The following USP34 variants were observed in gnomAD, a reference collection of about 807,000 sequenced individuals.
USP34 encodes ubiquitin carboxyl-terminal hydrolase 34.
A neutral mutation model predicts 460.3 loss-of-function variants in USP34; 70 were observed. The ratio of observed to expected loss-of-function variants is 0.15; its 90% CI spans 0.13 to 0.19. The LOEUF is 0.19. Among genes scored for constraint, USP34 ranks in the 10% least tolerant of loss-of-function variants. USP34 has a pLI of 1.00. For missense variants in USP34, 3,985 were observed against 4,236.2 expected (o/e 0.94, Z 1.65); for synonymous variants, 1,647 against 1,405.3 (o/e 1.17, Z -3.85).
chr2:61,302,605 A>G (rs1208394050), intron 27 of USP34, among the ~76,000 whole-genome samples: 1 of 152,224 alleles, frequency 6.6e-6, no homozygotes, highest in Non-Finnish European at 1.5e-5. Flanking sequence ...CATTTTAAAC[A>G]TATCCTAAAT....
At chr2:61,211,643 T>G in intron 69 of USP34, 129 bp downstream of exon 69, 6 of 1,039,858 alleles carry the variant, frequency 5.8e-6, no homozygotes, top group Non-Finnish European at 7.9e-6. Flanking sequence ...TTCATGAACC[T>G]TCAAAATGTT....
intron 1 of USP34, among the ~76,000 whole-genome samples, chr2:61,434,272 C>T (rs1318487860): frequency 6.6e-6 from 1 of 152,210 alleles, no homozygotes; most frequent in African/African-American, 2.4e-5. Flanking sequence ...ATGGGCATCC[C>T]CCCAGGCCAG....
At chr2:61,441,810 AAAAAAG>A (rs1199839413) in intron 1 of USP34, among the ~76,000 whole-genome samples, 2 of 151,204 alleles carry the variant, frequency 1.3e-5, no homozygotes, top group African/African-American at 4.9e-5. Context: ...TACAAAAAAA[AAAAAAG>A]AAAAAAGAAA....
chr2:61,190,340 C>T lies in USP34; in HGVS notation c.9804G>A (p.Gln3268=), dbSNP rs1169911632. 4 of 1,613,852 alleles carry T rather than the reference C, an allele frequency of 2.5e-6. No individual in the cohort carries two copies. The highest frequency in any genetic ancestry group is 2.5e-6 in the Non-Finnish European group (3 of 1,179,936). ...AGAAATCAGACTGTAGGTTCTGATA[C>T]TGGCTTATCAAGTTTGTAATAAGAG... ...ISTLITNLIS[Q]YQNLQSDFSN... Residue 3268 remains glutamine, a synonymous_variant, in exon 78 of 80, where the codon CAG becomes CAA. Transcript: ENST00000398571.
At chr2:61,346,908 C>T (rs969481416) in intron 15 of USP34, among the ~76,000 whole-genome samples, 6 of 147,580 alleles carry the variant, frequency 4.1e-5, no homozygotes, top group Admixed American at 3.4e-4. Context: ...GAGGCCGAGG[C>T]GGGCAGATCA....
At chr2:61,209,413 C>T (rs1400620976) in intron 69 of USP34, among the ~76,000 whole-genome samples, 2 of 152,118 alleles carry the variant, frequency 1.3e-5, no homozygotes, top group East Asian at 1.9e-4. Flanking sequence ...TTATAAAATA[C>T]AGTCATGTGC....
In USP34 at chr2:61,406,094, A is replaced by G. The variant is rs1293778478; in HGVS notation, c.166T>C (p.Leu56=). The G allele has an allele frequency of 1.2e-6, 2 of 1,612,306 alleles. No individual in the cohort carries two copies. Among genetic ancestry groups the G allele is most frequent in the Non-Finnish European group, 1.7e-6 (2 of 1,179,526 alleles). ...CACACTACTTGATTAAAAATCTCCA[A>G]ATGCTTATATTCCTTGAAGCAGCAT... The part of the protein sequence containing the change: ...CLCCFKEYKH[L]EIFNQVVCAL... The change falls in exon 3 of 80, where the codon TTG becomes CTG. Residue 56 remains leucine, a synonymous_variant. Transcript: ENST00000398571.
intron 1 of USP34, among the ~76,000 whole-genome samples, chr2:61,466,616 A>T (rs1221792042): frequency 6.6e-6 from 1 of 152,096 alleles, no homozygotes; most frequent in Admixed American, 6.6e-5. Context: ...AAAATTTTTT[A>T]AACAAAATTT....
chr2:61,315,031 T>TA, intron 23 of USP34, 57 bp from the exon 24 acceptor site: 1 of 1,335,204 alleles, frequency 7.5e-7, no homozygotes, highest in Non-Finnish European at 1.1e-6. Flanking sequence ...TGTAACTCAT[T>TA]AAGACTGAAG....
chr2:61,236,235 A>G lies in USP34; in HGVS notation c.6844T>C (p.Phe2282Leu). Residue 2282 changes from phenylalanine to leucine, a missense_variant and splice_region_variant, in exon 55 of 80, where the codon TTT becomes CTT. This residue lies in a region of USP34 where 604 missense variants were observed against 684.8 expected (regional missense o/e 0.88). Transcript: ENST00000398571. ...ATACAACTACACAATTGCCACATAAATCTAGAATTTAAAAATAATCATTTA... is the reference window on the plus strand; with the variant it reads ...ATACAACTACACAATTGCCACATAAGTCTAGAATTTAAAAATAATCATTTA... ...KNIFEHTYFGFMWQLCSCIPS... is the reference protein window; with the variant it reads ...KNIFEHTYFGLMWQLCSCIPS... 1 of 1,608,892 alleles carries G rather than the reference A, an allele frequency of 6.2e-7. No homozygotes were observed. The highest frequency in any genetic ancestry group is 1.1e-5 in the South Asian group (1 of 89,618).
At chr2:61,224,059 T>C (rs1041838640) in intron 62 of USP34, among the ~76,000 whole-genome samples, 1 of 152,218 alleles carries the variant, frequency 6.6e-6, no homozygotes, top group African/African-American at 2.4e-5. Context: ...GGTACCATTA[T>C]TCATGCCTAA....
chr2:61,289,822 T>A (rs932968575), intron 33 of USP34, among the ~76,000 whole-genome samples: 1 of 152,142 alleles, frequency 6.6e-6, no homozygotes, highest in Non-Finnish European at 1.5e-5. Context: ...AAGAAAAGAC[T>A]ATAAAACTTA....
chr2:61,242,416 G>T (rs1373464503), intron 51 of USP34, among the ~76,000 whole-genome samples: 2 of 140,074 alleles, frequency 1.4e-5, no homozygotes, highest in Non-Finnish European at 3.1e-5. Flanking sequence ...TCAGAAAAAG[G>T]TAAGAGTCAG....
At chr2:61,378,187 G>C (rs1692851880) in intron 8 of USP34, among the ~76,000 whole-genome samples, 176 bp downstream of exon 8, 1 of 152,112 alleles carries the variant, frequency 6.6e-6, no homozygotes. Context: ...AAAAGAGGGA[G>C]AGTGAGTTAT....
intron 3 of USP34, among the ~76,000 whole-genome samples, chr2:61,399,764 T>TGTA (rs1403394472): frequency 6.7e-6 from 1 of 149,054 alleles, no homozygotes; most frequent in African/African-American, 2.5e-5. Flanking sequence ...TCCCAACTAC[T>TGTA]CGGGACGCTG....
chr2:61,412,090 G>A (rs984448292), intron 2 of USP34, among the ~76,000 whole-genome samples: 1 of 151,268 alleles, frequency 6.6e-6, no homozygotes, highest in African/African-American at 2.4e-5. Flanking sequence ...TTGGGAGGCT[G>A]AGGCAGGAGA....
intron 1 of USP34, among the ~76,000 whole-genome samples, chr2:61,438,492 C>T (rs1360984147): frequency 2.0e-5 from 3 of 151,892 alleles, no homozygotes; most frequent in African/African-American, 4.8e-5. Context: ...CCTAGCTACT[C>T]GGGAGGCTGA....
intron 28 of USP34, 45 bp from the exon 29 acceptor site, chr2:61,301,205 T>G: frequency 2.6e-6 from 4 of 1,557,928 alleles, no homozygotes; most frequent in Non-Finnish European, 3.5e-6. Context: ...AAGCTTTTAG[T>G]TTAATAAAAC....
intron 48 of USP34, among the ~76,000 whole-genome samples, chr2:61,253,067 G>T (rs1688629847): frequency 6.6e-6 from 1 of 152,186 alleles, no homozygotes; most frequent in African/African-American, 2.4e-5. Context: ...AAAACCAGAG[G>T]TCTGAAAATA....
Sources: allele counts gnomAD v4.1 joint callset (sites outside exome capture counted in the v4.1 genomes callset), GRCh38; gene constraint gnomAD v4.1.1; regional missense constraint gnomAD v4.1.1; transcripts MANE v1.5; gene names NCBI Gene and HGNC (gene_info 2026-07-23, HGNC 2026-07-21).